Variants in KIF6 observed in about 807,000 individuals in gnomAD.
KIF6 encodes kinesin family member 6.
A neutral mutation model predicts 112.7 loss-of-function variants in KIF6; 106 were observed. The observed-to-expected ratio is 0.94, with a 90% CI of 0.80 to 1.11. KIF6 has a LOEUF of 1.11. Among genes scored for constraint, KIF6 ranks in the 50% least tolerant of loss-of-function variants. The probability of loss-of-function intolerance (pLI) is 0.00; values close to 1 mark genes in which losing one functional copy is unlikely to be tolerated. For synonymous variants in KIF6, 339 were observed against 339.9 expected (o/e 1.00, Z 0.03); for missense variants, 929 against 964.0 (o/e 0.96, Z 0.48).
At chr6:39,684,971 G>A (rs933752221) in intron 3 of KIF6, among the ~76,000 whole-genome samples, 8 of 152,106 alleles carry the variant, frequency 5.3e-5, no homozygotes, top group African/African-American at 1.7e-4. Flanking sequence ...TCTCAGCAGG[G>A]CAGAGAAGAC....
chr6:39,443,569 AAGTAGCTGGGACC>A (rs1434452937), intron 13 of KIF6, among the ~76,000 whole-genome samples: 2 of 151,882 alleles, frequency 1.3e-5, no homozygotes, highest in Admixed American at 1.3e-4. Context: ...TCAGCCTCCC[AAGTAGCTGGGACC>A]AGAAGTGTGT....
chr6:39,551,312 G>C (rs1779364800), intron 10 of KIF6, among the ~76,000 whole-genome samples: 1 of 152,152 alleles, frequency 6.6e-6, no homozygotes, highest in African/African-American at 2.4e-5. Flanking sequence ...TGGAGATAAA[G>C]AATAGAATAA....
At chr6:39,505,533 G>A (rs903918486) in intron 13 of KIF6, among the ~76,000 whole-genome samples, 2 of 152,162 alleles carry the variant, frequency 1.3e-5, no homozygotes, top group African/African-American at 4.8e-5. Context: ...CTTCTGCACA[G>A]CAAAAGAAAC....
At chr6:39,712,897 C>T (rs1256282536) in intron 3 of KIF6, among the ~76,000 whole-genome samples, 1 of 152,092 alleles carries the variant, frequency 6.6e-6, no homozygotes, top group Admixed American at 6.5e-5. Flanking sequence ...CACGTGTATA[C>T]CTATGTAACA....
intron 10 of KIF6, 124 bp downstream of exon 10, chr6:39,577,932 G>T: frequency 1.6e-6 from 1 of 613,410 alleles, no homozygotes; most frequent in Non-Finnish European, 2.8e-6. Flanking sequence ...GCGCCTAAAT[G>T]CAATTTCAGA....
chr6:39,616,075 T>C (rs1256792691), intron 5 of KIF6, among the ~76,000 whole-genome samples: 3 of 152,226 alleles, frequency 2.0e-5, no homozygotes, highest in African/African-American at 7.2e-5. Flanking sequence ...CAAGCAAGTA[T>C]GGAATTCTAA....
At chr6:39,520,260 T>C (rs1306524408) in intron 13 of KIF6, among the ~76,000 whole-genome samples, 3 of 152,212 alleles carry the variant, frequency 2.0e-5, no homozygotes, top group Non-Finnish European at 2.9e-5. Context: ...AATAATTTTT[T>C]GGTACAAGTG....
chr6:39,401,320 C>A (rs1768684156), intron 15 of KIF6, among the ~76,000 whole-genome samples: 1 of 152,218 alleles, frequency 6.6e-6, no homozygotes, highest in African/African-American at 2.4e-5. Flanking sequence ...AGAGGTAACA[C>A]CCCATACCCC....
intron 13 of KIF6, among the ~76,000 whole-genome samples, chr6:39,463,545 T>C (rs1773606775): frequency 6.6e-6 from 1 of 152,228 alleles, no homozygotes; most frequent in African/African-American, 2.4e-5. Context: ...TTTAGATCTA[T>C]TTAACATCAT....
chr6:39,441,334 C>A (rs1432704890), intron 13 of KIF6, among the ~76,000 whole-genome samples: 1 of 152,170 alleles, frequency 6.6e-6, no homozygotes, highest in Non-Finnish European at 1.5e-5. Context: ...ATGACAACTG[C>A]CATTTGATAA....
At chr6:39,528,730 A>G (rs557053037) in intron 13 of KIF6, among the ~76,000 whole-genome samples, 12 of 152,330 alleles carry the variant, frequency 7.9e-5, no homozygotes, top group African/African-American at 2.9e-4. Flanking sequence ...GATTGGTGAT[A>G]TTGAACATTT....
chr6:39,348,954 G>C, intron 19 of KIF6, among the ~76,000 whole-genome samples: 1 of 152,220 alleles, frequency 6.6e-6, no homozygotes, highest in East Asian at 1.9e-4. Flanking sequence ...CAGAGTGACC[G>C]TGTCGGAGGG....
chr6:39,496,482 T>C (rs888491255), intron 13 of KIF6, among the ~76,000 whole-genome samples: 1 of 152,138 alleles, frequency 6.6e-6, no homozygotes, highest in Admixed American at 6.5e-5. Context: ...ACTTCCTTTT[T>C]TCCTTGAGTG....
chr6:39,423,733 C>T (rs541374311), intron 14 of KIF6, among the ~76,000 whole-genome samples: 11 of 152,080 alleles, frequency 7.2e-5, no homozygotes, highest in African/African-American at 2.2e-4. Context: ...GTAACCTGCA[C>T]GCCACCCTTT....
intron 10 of KIF6, among the ~76,000 whole-genome samples, chr6:39,561,373 A>G (rs1779998327): frequency 6.7e-6 from 1 of 150,298 alleles, no homozygotes; most frequent in South Asian, 2.1e-4. Context: ...TTTTTTTGAG[A>G]TGGAGTCTCA....
chr6:39,555,925 G>C (rs1779681996), intron 10 of KIF6, among the ~76,000 whole-genome samples: 1 of 135,930 alleles, frequency 7.4e-6, no homozygotes, highest in Non-Finnish European at 1.5e-5. Flanking sequence ...CTGCACTCCA[G>C]CCTGGGCGAC....
intron 3 of KIF6, among the ~76,000 whole-genome samples, chr6:39,673,225 G>T (rs1008972601): frequency 2.6e-5 from 4 of 152,204 alleles, no homozygotes; most frequent in African/African-American, 7.2e-5. Flanking sequence ...AAGCAACCTA[G>T]CTGCAAGGGA....
At chr6:39,600,484 T>G (rs1391930254) in intron 6 of KIF6, among the ~76,000 whole-genome samples, 1 of 152,144 alleles carries the variant, frequency 6.6e-6, no homozygotes, top group Non-Finnish European at 1.5e-5. Flanking sequence ...AAGCAAAATG[T>G]GCAGTAAAGA....
At chr6:39,460,338 C>T in intron 13 of KIF6, among the ~76,000 whole-genome samples, 1 of 104,050 alleles carries the variant, frequency 9.6e-6, no homozygotes, top group South Asian at 3.6e-4. Flanking sequence ...ATCACATGGA[C>T]ACAGGAAGGG....
Sources: gnomAD v4.1 joint callset for allele counts (sites outside exome capture counted in the v4.1 genomes callset) on GRCh38, gnomAD v4.1.1 for gene constraint, MANE v1.5 for transcripts, NCBI Gene and HGNC (gene_info 2026-07-23, HGNC 2026-07-21) for gene names.